Variants in TAF4B observed in about 807,000 individuals in gnomAD.
TAF4B encodes the protein transcription initiation factor TFIID subunit 4B.
Under a neutral mutation model 86.4 loss-of-function variants are expected in TAF4B, and 38 were observed. The ratio of observed to expected loss-of-function variants is 0.44; its 90% CI spans 0.34 to 0.58. The LOEUF (loss-of-function observed/expected upper bound fraction) is 0.58. Ranked by LOEUF, TAF4B falls within the 20% of genes least tolerant of loss-of-function variation. The pLI is 0.02. For missense variants in TAF4B, 988 were observed against 1,027.6 expected, an observed-to-expected ratio of 0.96 and a Z score of 0.53; for synonymous variants, 388 against 391.2, an observed-to-expected ratio of 0.99 and a Z score of 0.10.
At chr18:26,303,642 TCCACTTTCATACC>T (rs2056765173) in intron 9 of TAF4B, among the ~76,000 whole-genome samples, 1 of 117,298 alleles carries the variant, frequency 8.5e-6, no homozygotes, top group Non-Finnish European at 1.8e-5. Flanking sequence ...TCATACCCCC[TCCACTTTCATACC>T]CCCTCCACTT....
chr18:26,240,560 A>G (rs960387618), intron 1 of TAF4B, among the ~76,000 whole-genome samples: 1 of 152,156 alleles, frequency 6.6e-6, no homozygotes, highest in African/African-American at 2.4e-5. Flanking sequence ...TCTTTTCCTA[A>G]TTGAATACCC....
intron 5 of TAF4B, among the ~76,000 whole-genome samples, chr18:26,277,640 G>A (rs532226250): frequency 5.8e-4 from 87 of 150,030 alleles, no homozygotes; most frequent in Non-Finnish European, 1.0e-3. Context: ...GAGGTGGTTG[G>A]AATAGTGATT....
intron 6 of TAF4B, among the ~76,000 whole-genome samples, chr18:26,283,139 A>T (rs1414381384): frequency 6.6e-6 from 1 of 152,214 alleles, no homozygotes; most frequent in Admixed American, 6.5e-5. Context: ...TGCCTGACTC[A>T]TAAATATACT....
chr18:26,367,809 ATTG>A (rs1440018416), intron 14 of TAF4B, among the ~76,000 whole-genome samples: 1 of 152,182 alleles, frequency 6.6e-6, no homozygotes, highest in African/African-American at 2.4e-5. Context: ...GTTTTACAGG[ATTG>A]ATTTCTAGAA....
Position 26,367,235 on chromosome 18 carries a change from G to A in TAF4B, c.2421+9441G>A, listed in dbSNP as rs571102964. ...GATTATGGAATCTGAGAAGTCTCACGCTATGCTGTCTGCAACCTGGAGACC... is the reference window on the plus strand; with the variant it reads ...GATTATGGAATCTGAGAAGTCTCACACTATGCTGTCTGCAACCTGGAGACC... On this transcript the variant is annotated intron_variant, in intron 14 of 14. Coordinates refer to ENST00000269142, the MANE Select transcript of TAF4B (RefSeq NM_005640.3). 7.2e-5 allele frequency among the ~76,000 whole-genome samples: 11 copies of A among 152,332 alleles called. No homozygotes were observed. In the South Asian group the frequency reaches 8.3e-4, roughly 11 times the overall value.
At chr18:26,376,615 T>G (rs2057445024) in intron 14 of TAF4B, among the ~76,000 whole-genome samples, 1 of 152,092 alleles carries the variant, frequency 6.6e-6, no homozygotes, top group Non-Finnish European at 1.5e-5. Context: ...CAAGATCATG[T>G]CATCTGCAAA....
intron 11 of TAF4B, among the ~76,000 whole-genome samples, chr18:26,326,248 T>G (rs2057004142): frequency 6.6e-6 from 1 of 152,100 alleles, no homozygotes; most frequent in South Asian, 2.1e-4. Context: ...GTGAAGAAAA[T>G]TAGAAAATAT....
At chr18:26,304,722 T>A in intron 9 of TAF4B, 1 of 985,428 alleles carries the variant, frequency 1.0e-6, no homozygotes, top group Non-Finnish European at 1.2e-6. Context: ...CAATTCTTCC[T>A]TTAGGATATG....
intron 9 of TAF4B, among the ~76,000 whole-genome samples, chr18:26,307,838 G>A (rs1443282834): frequency 6.6e-6 from 1 of 152,102 alleles, no homozygotes; most frequent in Non-Finnish European, 1.5e-5. Flanking sequence ...TTGTCCTTGT[G>A]TATGCTCACG....
chr18:26,326,867 G>T, intron 11 of TAF4B, 148 bp from the exon 12 acceptor site: 1 of 891,194 alleles, frequency 1.1e-6, no homozygotes, highest in Non-Finnish European at 1.6e-6. Flanking sequence ...GGGGATGTTT[G>T]CTTAATAGAA....
chr18:26,387,918 G>A (rs1386589801), intron 14 of TAF4B, among the ~76,000 whole-genome samples: 3 of 152,162 alleles, frequency 2.0e-5, no homozygotes, highest in Admixed American at 6.5e-5. Flanking sequence ...GAACATGCAT[G>A]GAATTAAGTT....
intron 3 of TAF4B, among the ~76,000 whole-genome samples, chr18:26,269,903 C>T (rs951334230): frequency 1.3e-5 from 2 of 151,864 alleles, no homozygotes; most frequent in Non-Finnish European, 2.9e-5. Context: ...GTATTTTTTT[C>T]CTTAGGATAA....
Position 26,335,292 on chromosome 18 carries a change from C to T in TAF4B, c.2316+61C>T, listed in dbSNP as rs2057082056. 20 of 1,437,956 alleles carry T rather than the reference C, an allele frequency of 1.4e-5. No homozygotes were observed. In the South Asian group the frequency reaches 2.1e-4, roughly 15 times the overall value. 89.1% of individuals were successfully genotyped at this position (1,437,956 alleles called of 1,614,324 possible). A position where few individuals can be genotyped will look rare whatever the true frequency, so the allele number is the denominator to read the frequency against. On this transcript the variant is annotated intron_variant, in intron 13 of 14. Coordinates refer to ENST00000269142, the MANE Select transcript of TAF4B (RefSeq NM_005640.3). ...TTGAGGGAAGGTTGGCAGCTCTCTC[C>T]TGGCAATTAGGTCAGGGTTTATTTT... is the stretch of plus-strand genomic sequence containing the variant.
intron 1 of TAF4B, among the ~76,000 whole-genome samples, chr18:26,230,161 T>G (rs1568088837): frequency 6.6e-6 from 1 of 152,238 alleles, no homozygotes; most frequent in East Asian, 1.9e-4. Flanking sequence ...TTCTTGATAT[T>G]CTTCATCTTG....
chr18:26,230,267 A>G (rs1315240370), intron 1 of TAF4B, among the ~76,000 whole-genome samples: 1 of 152,208 alleles, frequency 6.6e-6, no homozygotes, highest in African/African-American at 2.4e-5. Context: ...ACTGTACAAA[A>G]GTGTGAAAGT....
At chr18:26,315,470 A>T in intron 10 of TAF4B, 72 bp downstream of exon 10, 4 of 1,270,818 alleles carry the variant, frequency 3.1e-6, no homozygotes, top group Non-Finnish European at 4.2e-6. Context: ...AAAAGAGACA[A>T]CCTGGGTTGG....
intron 14 of TAF4B, among the ~76,000 whole-genome samples, chr18:26,361,676 C>T (rs188252485): frequency 4.2e-5 from 6 of 142,264 alleles, no homozygotes; most frequent in East Asian, 4.2e-4. Flanking sequence ...ACCCGGGAGG[C>T]GGAGGTTGCT....
At chr18:26,298,539 GTTTTA>G in intron 9 of TAF4B, among the ~76,000 whole-genome samples, 1 of 146,190 alleles carries the variant, frequency 6.8e-6, no homozygotes, top group East Asian at 2.1e-4. Context: ...GCCTGTTTTT[GTTTTA>G]TTTTAAGAAA....
Position 26,281,211 on chromosome 18 carries a change from C to T in TAF4B, c.883-760C>T, listed in dbSNP as rs73395917. On this transcript the variant is annotated intron_variant, in intron 5 of 14. Transcript: ENST00000269142. ...ATAACTGTGCTCACTACCTGGGTGA[C>T]GAGATCATCTGTACCCCAAACTTGT... Among the ~76,000 whole-genome samples the T allele has an allele frequency of 1.8e-3, 279 of 152,112 alleles. 1 individual carries two copies. The highest frequency in any genetic ancestry group is 6.6e-3 in the African/African-American group (272 of 41,500).
Sources: gnomAD v4.1 joint callset for allele counts (sites outside exome capture counted in the v4.1 genomes callset) on GRCh38, gnomAD v4.1.1 for gene constraint, MANE v1.5 for transcripts, NCBI Gene and HGNC (gene_info 2026-07-23, HGNC 2026-07-21) for gene names.